The following MUSK variants were observed in gnomAD, a reference collection of about 807,000 sequenced individuals.
MUSK encodes the protein muscle, skeletal receptor tyrosine-protein kinase.
A neutral mutation model predicts 88.7 loss-of-function variants in MUSK; 55 were observed. That is an observed-to-expected ratio of 0.62 (90% CI 0.50 to 0.78). The LOEUF (loss-of-function observed/expected upper bound fraction) is 0.78, where lower values mean the gene tolerates loss of function less well. MUSK is among the 30% of genes least tolerant of loss of function. The probability of loss-of-function intolerance (pLI) is 0.00; values close to 1 mark genes in which losing one functional copy is unlikely to be tolerated. For synonymous variants in MUSK, 387 were observed against 391.9 expected (o/e 0.99, Z 0.15); for missense variants, 1,015 against 1,074.3 (o/e 0.94, Z 0.77).
In MUSK at chr9:110,768,045, C is replaced by T. The variant is rs1328203179; in HGVS notation, c.1146C>T (p.Cys382=). Residue 382 remains cysteine, a synonymous_variant, in exon 9 of 15, where the codon TGC becomes TGT. Transcript: ENST00000374448. Reference sequence around the variant, plus strand: ...TGTGTAACCACATCTTCCAGGAGTGCAGTCCTGGAGTAGTGCCTACTCCTA... The same window carrying T: ...TGTGTAACCACATCTTCCAGGAGTGTAGTCCTGGAGTAGTGCCTACTCCTA... ...ALLCNHIFQE[C]SPGVVPTPIP... 6.2e-7 allele frequency: 1 copy of T among 1,613,954 alleles called. No individual in the cohort carries two copies. Among genetic ancestry groups the T allele is most frequent in the Non-Finnish European group, 8.5e-7 (1 of 1,179,844 alleles).
intron 7 of MUSK, among the ~76,000 whole-genome samples, chr9:110,753,320 T>C (rs1419747029): frequency 6.6e-6 from 1 of 151,780 alleles, no homozygotes; most frequent in Non-Finnish European, 1.5e-5. Flanking sequence ...TAATCCCAGC[T>C]ACTTGGGAGG....
At chr9:110,780,276 G>A (rs1489558973) in intron 11 of MUSK, among the ~76,000 whole-genome samples, 1 of 151,940 alleles carries the variant, frequency 6.6e-6, no homozygotes, top group Non-Finnish European at 1.5e-5. Flanking sequence ...TCTACACATC[G>A]CAGTGCTCTA....
intron 5 of MUSK, among the ~76,000 whole-genome samples, chr9:110,724,231 G>A (rs1289074128): frequency 6.6e-6 from 1 of 151,936 alleles, no homozygotes; most frequent in Non-Finnish European, 1.5e-5. Context: ...TTCTTCCAGA[G>A]TAAATTAATC....
chr9:110,676,305 G>A (rs9409106), intron 1 of MUSK, among the ~76,000 whole-genome samples: 100,842 of 147,548 alleles, frequency 0.68, 35,736 homozygotes, highest in African/African-American at 0.83. Flanking sequence ...GTGTGTATAT[G>A]TAAGTGTATA....
intron 5 of MUSK, among the ~76,000 whole-genome samples, chr9:110,705,699 C>T (rs766607125): frequency 5.3e-5 from 8 of 152,144 alleles, no homozygotes; most frequent in African/African-American, 1.2e-4. Context: ...AGGGAAGCAC[C>T]GCTAGGTAAG....
chr9:110,696,098 G>A (rs557553718), intron 4 of MUSK, among the ~76,000 whole-genome samples: 102 of 152,102 alleles, frequency 6.7e-4, no homozygotes, highest in Non-Finnish European at 1.3e-3. Flanking sequence ...CCAACATGGC[G>A]AAATCCTGTC....
chr9:110,705,873 A>T (rs1218624260), intron 5 of MUSK, among the ~76,000 whole-genome samples: 1 of 152,176 alleles, frequency 6.6e-6, no homozygotes, highest in Admixed American at 6.5e-5. Flanking sequence ...TCACGGCAGG[A>T]TGTGACCAGG....
At chr9:110,776,677 C>G (rs749881928) in intron 11 of MUSK, 22 bp downstream of exon 11, 1 of 1,568,992 alleles carries the variant, frequency 6.4e-7, no homozygotes, top group Non-Finnish European at 8.7e-7. Flanking sequence ...TGTTTGTGCC[C>G]TTGAAACCTT....
Position 110,801,879 on chromosome 9 carries a change from C to G in MUSK, c.*891C>G, listed in dbSNP as rs531134951. ...TTATTTCATTCATGTAATAAACACTCTGGCAGAAATAATAACATTTTAAAT... is the reference window on the plus strand; with the variant it reads ...TTATTTCATTCATGTAATAAACACTGTGGCAGAAATAATAACATTTTAAAT... On this transcript the variant is annotated 3_prime_UTR_variant, in exon 15 of 15. Coordinates refer to ENST00000374448, the MANE Select transcript of MUSK (RefSeq NM_005592.4). 3.9e-5 allele frequency among the ~76,000 whole-genome samples: 6 copies of G among 152,220 alleles called. No individual in the cohort carries two copies. In the East Asian group the frequency reaches 1.2e-3, roughly 29 times the overall value.
intron 9 of MUSK, among the ~76,000 whole-genome samples, chr9:110,774,247 A>G (rs2077628888): frequency 6.6e-6 from 1 of 151,974 alleles, no homozygotes; most frequent in African/African-American, 2.4e-5. Flanking sequence ...TTGCAGTGCC[A>G]TTTGTTTTCT....
chr9:110,779,002 C>A (rs939591698), intron 11 of MUSK, among the ~76,000 whole-genome samples: 1 of 151,096 alleles, frequency 6.6e-6, no homozygotes, highest in Non-Finnish European at 1.5e-5. Flanking sequence ...GACCATTTTT[C>A]CATAATGATC....
At chr9:110,786,907 G>T (rs2077876980) in intron 13 of MUSK, among the ~76,000 whole-genome samples, 1 of 152,106 alleles carries the variant, frequency 6.6e-6, no homozygotes, top group African/African-American at 2.4e-5. Context: ...CTCCACCCAT[G>T]GTGGCCCTGG....
chr9:110,797,236 GA>G (rs1220916495), intron 14 of MUSK, among the ~76,000 whole-genome samples: 25 of 133,674 alleles, frequency 1.9e-4, no homozygotes, highest in African/African-American at 7.0e-4. Flanking sequence ...GAATTACACT[GA>G]CTTCATTGTA....
chr9:110,728,741 GCTT>G (rs764993550), intron 5 of MUSK: 166 of 1,558,954 alleles, frequency 1.1e-4, no homozygotes, highest in Non-Finnish European at 1.3e-4. Context: ...TTTCTGCATG[GCTT>G]CTTTTTAATT....
chr9:110,745,459 G>T lies in MUSK; in HGVS notation c.754-2182G>T, dbSNP rs556757970. 2.9e-4 allele frequency among the ~76,000 whole-genome samples: 44 copies of T among 152,314 alleles called. 1 individual carries two copies. Among genetic ancestry groups the T allele is most frequent in the Admixed American group, 2.8e-3 (43 of 15,300 alleles). ...CTTTTGCTTATCTAAACTGGAAAGA[G>T]ATATATAAACAAAATATAAAATACA... is the stretch of plus-strand genomic sequence containing the variant. On this transcript the variant is annotated intron_variant, in intron 6 of 14. Transcript: ENST00000374448.
intron 5 of MUSK, among the ~76,000 whole-genome samples, chr9:110,715,797 A>G (rs1481354344): frequency 1.3e-5 from 2 of 149,332 alleles, no homozygotes; most frequent in African/African-American, 5.1e-5. Context: ...AGCCATAAAA[A>G]GGAAAGAGAT....
At chr9:110,748,826 AGGCTGGCCCTCTG>A (rs1700077025) in intron 7 of MUSK, among the ~76,000 whole-genome samples, 1 of 152,208 alleles carries the variant, frequency 6.6e-6, no homozygotes, top group African/African-American at 2.4e-5. Flanking sequence ...GCACTGGACA[AGGCTGGCCCTCTG>A]GGACTGCCTA....
chr9:110,759,084 C>A (rs2077363796), intron 7 of MUSK, among the ~76,000 whole-genome samples: 1 of 152,178 alleles, frequency 6.6e-6, no homozygotes, highest in South Asian at 2.1e-4. Context: ...TCAAACTATA[C>A]TACAGGACTG....
intron 5 of MUSK, among the ~76,000 whole-genome samples, chr9:110,711,543 C>T (rs2076671341): frequency 6.6e-6 from 1 of 152,182 alleles, no homozygotes; most frequent in South Asian, 2.1e-4. Context: ...TGAATAGATA[C>T]TGCAGACGAA....
Sources: gnomAD v4.1 joint callset for allele counts (sites outside exome capture counted in the v4.1 genomes callset) on GRCh38, gnomAD v4.1.1 for gene constraint, MANE v1.5 for transcripts, NCBI Gene and HGNC (gene_info 2026-07-23, HGNC 2026-07-21) for gene names.